The following VKORC1L1 variants were observed in gnomAD, a reference collection of about 807,000 sequenced individuals.
The protein encoded by VKORC1L1 is vitamin K epoxide reductase complex subunit 1-like protein 1.
A neutral mutation model predicts 18.9 loss-of-function variants in VKORC1L1; 2 were observed. The observed-to-expected ratio is 0.11, with a 90% confidence interval of 0.04 to 0.33. VKORC1L1 has a LOEUF of 0.33. Among genes scored for constraint, VKORC1L1 ranks in the 10% least tolerant of loss-of-function variants. VKORC1L1 has a pLI of 1.00. For synonymous variants in VKORC1L1, 96 were observed against 100.0 expected (o/e 0.96, Z 0.24); for missense variants, 123 against 224.1 (o/e 0.55, Z 2.88).
chr7:65,942,028 T>G (rs747531164), intron 1 of VKORC1L1, among the ~76,000 whole-genome samples: 2 of 152,168 alleles, frequency 1.3e-5, no homozygotes, highest in Non-Finnish European at 2.9e-5. Context: ...TAACTGAACT[T>G]CATACACCTG....
At chr7:65,921,748 T>G (rs1789679143) in intron 1 of VKORC1L1, among the ~76,000 whole-genome samples, 1 of 151,498 alleles carries the variant, frequency 6.6e-6, no homozygotes, top group Non-Finnish European at 1.5e-5. Flanking sequence ...CTCTGGAGGC[T>G]GAGGCAGGAG....
chr7:65,925,911 C>T (rs1789755246), intron 1 of VKORC1L1, among the ~76,000 whole-genome samples: 1 of 152,094 alleles, frequency 6.6e-6, no homozygotes, highest in Non-Finnish European at 1.5e-5. Context: ...TCATTCCAAT[C>T]TGTACCCTAG....
At chr7:65,890,049 C>A (rs1205482949) in intron 1 of VKORC1L1, among the ~76,000 whole-genome samples, 1 of 152,002 alleles carries the variant, frequency 6.6e-6, no homozygotes, top group Non-Finnish European at 1.5e-5. Context: ...CCTCTGCTTC[C>A]TGGGCTCAAG....
chr7:65,898,398 A>G (rs945981468), intron 1 of VKORC1L1, among the ~76,000 whole-genome samples: 27 of 152,088 alleles, frequency 1.8e-4, no homozygotes, highest in African/African-American at 5.6e-4. Context: ...AGCAGCTCCT[A>G]AAAGGAGTAA....
Position 65,957,824 on chromosome 7 carries a change from C to T in VKORC1L1, c.*3524C>T, listed in dbSNP as rs749657092. ...TCCAGCCTGGGCAATGAGTGAAACT[C>T]TGTCTCAAATAAAAAAATAAAAATA... On this transcript the variant is annotated 3_prime_UTR_variant, in exon 3 of 3. Transcript: ENST00000360768. 7 of 152,146 alleles carry T rather than the reference C, an allele frequency of 4.6e-5. No homozygotes were observed. Among genetic ancestry groups the T allele is most frequent in the Non-Finnish European group, 1.0e-4 (7 of 68,038 alleles). The allele number at this position is 152,146 out of a possible 1,614,324, so 9.4% of individuals were successfully genotyped here. A position where few individuals can be genotyped will look rare whatever the true frequency, so the allele number is the denominator to read the frequency against.
chr7:65,879,964 A>G (rs532615651), intron 1 of VKORC1L1, among the ~76,000 whole-genome samples: 2 of 151,546 alleles, frequency 1.3e-5, no homozygotes, highest in South Asian at 2.1e-4. Context: ...TGATCCTCCA[A>G]CCTCAGCTTC....
rs554431865 is a variant in VKORC1L1, at chr7:65,947,695, A to AT, written c.195-964dup. Among the ~76,000 whole-genome samples the AT allele has an allele frequency of 3.0e-3, 442 of 145,694 alleles. 3 individuals are homozygous for AT. Among genetic ancestry groups the AT allele is most frequent in the African/African-American group, 7.5e-3 (300 of 39,924 alleles). ...CCTATAGTTTCTGATATTATCCTGC[A>AT]TTTTTTTTTTTTGAAATGGAGTTTT... On this transcript the variant is annotated intron_variant, in intron 1 of 2. Coordinates refer to ENST00000360768, the MANE Select transcript of VKORC1L1 (RefSeq NM_173517.6).
At chr7:65,950,698 A>G (rs1426485750) in intron 2 of VKORC1L1, among the ~76,000 whole-genome samples, 1 of 152,236 alleles carries the variant, frequency 6.6e-6, no homozygotes, top group Non-Finnish European at 1.5e-5. Context: ...ATGAAATACT[A>G]TGTAGCCATT....
intron 1 of VKORC1L1, among the ~76,000 whole-genome samples, chr7:65,909,314 A>G (rs921909568): frequency 8.6e-5 from 13 of 151,716 alleles, no homozygotes; most frequent in African/African-American, 2.9e-4. Context: ...ATATAAAGCT[A>G]AGCTTTGCTA....
At chr7:65,905,349 C>T (rs1789389415) in intron 1 of VKORC1L1, among the ~76,000 whole-genome samples, 1 of 151,822 alleles carries the variant, frequency 6.6e-6, no homozygotes, top group African/African-American at 2.4e-5. Flanking sequence ...CTCGCTCTGT[C>T]ATCCAGGCTG....
intron 1 of VKORC1L1, among the ~76,000 whole-genome samples, chr7:65,930,715 A>AT (rs202028783): frequency 4.5e-4 from 68 of 150,498 alleles, no homozygotes; most frequent in Admixed American, 1.2e-3. Context: ...TATGCCTTTG[A>AT]TTTTTTTTTC....
At chr7:65,898,483 A>G (rs1310771317) in intron 1 of VKORC1L1, among the ~76,000 whole-genome samples, 4 of 152,158 alleles carry the variant, frequency 2.6e-5, no homozygotes, top group Non-Finnish European at 5.9e-5. Context: ...CATGAACAGT[A>G]TGTGTAGTAT....
rs201122869 is a variant in VKORC1L1 at position 65,881,885 on chromosome 7, G to A, written c.194+8320G>A. Among the ~76,000 whole-genome samples the A allele has an allele frequency of 2.6e-5, 4 of 152,114 alleles. No individual in the cohort carries two copies. In the East Asian group the frequency reaches 7.7e-4, roughly 29 times the overall value. ...ACGTGAGGTCAGGAGTTCAAGACCAGCTTGGCCAACATGGTGAAACCCCAT... is the reference window on the plus strand; with the variant it reads ...ACGTGAGGTCAGGAGTTCAAGACCAACTTGGCCAACATGGTGAAACCCCAT... On this transcript the variant is annotated intron_variant, in intron 1 of 2. Coordinates refer to ENST00000360768, the MANE Select transcript of VKORC1L1 (RefSeq NM_173517.6).
chr7:65,887,126 G>C (rs1331168784), intron 1 of VKORC1L1, among the ~76,000 whole-genome samples: 6 of 152,030 alleles, frequency 3.9e-5, no homozygotes, highest in East Asian at 1.9e-4. Flanking sequence ...TGGGATTACA[G>C]GCATGAGCCA....
chr7:65,945,334 G>C (rs1298676108), intron 1 of VKORC1L1, among the ~76,000 whole-genome samples: 1 of 152,034 alleles, frequency 6.6e-6, no homozygotes, highest in Non-Finnish European at 1.5e-5. Context: ...AAACAGGGCC[G>C]GGCGCAGTGG....
intron 1 of VKORC1L1, among the ~76,000 whole-genome samples, chr7:65,877,350 C>CTT (rs796646643): frequency 2.7e-3 from 382 of 144,086 alleles, no homozygotes; most frequent in South Asian, 4.7e-3. Context: ...GCAGAATATT[C>CTT]TTTTTTTTTT....
chr7:65,905,064 TAC>T (rs1419931882), intron 1 of VKORC1L1, among the ~76,000 whole-genome samples: 1 of 152,112 alleles, frequency 6.6e-6, no homozygotes, highest in Admixed American at 6.5e-5. Context: ...CCTACATACA[TAC>T]ACACACATAT....
At chr7:65,867,817 A>G in the VKORC1L1 span, among the ~76,000 whole-genome samples, 2 of 152,164 alleles carry the variant, frequency 1.3e-5, no homozygotes, top group East Asian at 1.9e-4. Flanking sequence ...TGACCTCACC[A>G]TGGGAGCAAT....
intron 1 of VKORC1L1, among the ~76,000 whole-genome samples, chr7:65,878,960 A>T (rs1294822860): frequency 6.6e-6 from 1 of 152,140 alleles, no homozygotes; most frequent in Non-Finnish European, 1.5e-5. Flanking sequence ...GCTGCTTCGG[A>T]TTTGAAAGAT....
Sources: allele counts gnomAD v4.1 joint callset (sites outside exome capture counted in the v4.1 genomes callset), GRCh38; gene constraint gnomAD v4.1.1; transcripts MANE v1.5; gene names NCBI Gene and HGNC (gene_info 2026-07-23, HGNC 2026-07-21).